The following PYGM variants were observed in gnomAD, a reference collection of about 807,000 sequenced individuals.
PYGM encodes the protein glycogen phosphorylase, muscle form.
A neutral mutation model predicts 99.3 loss-of-function variants in PYGM; 81 were observed. The ratio of observed to expected loss-of-function variants is 0.82; its 90% CI spans 0.68 to 0.98. The LOEUF (loss-of-function observed/expected upper bound fraction) is 0.98. Ranked by LOEUF, PYGM falls within the 50% of genes least tolerant of loss-of-function variation. The probability of loss-of-function intolerance (pLI) is 0.00; values close to 1 mark genes in which losing one functional copy is unlikely to be tolerated. For missense variants in PYGM, 1,030 were observed against 1,158.1 expected (o/e 0.89, Z 1.61); for synonymous variants, 436 against 451.5 (o/e 0.97, Z 0.44).
Position 64,752,487 on chromosome 11 carries a change from G to A in PYGM, c.1536C>T (p.Phe512=), listed in dbSNP as rs1487145634. 3 of 1,614,128 alleles carry A rather than the reference G, an allele frequency of 1.9e-6. No individual in the cohort carries two copies. The highest frequency in any genetic ancestry group is 2.5e-6 in the Non-Finnish European group (3 of 1,179,972). The change falls in exon 13 of 20, where the codon TTC becomes TTT. Residue 512 remains phenylalanine (F), a synonymous_variant. Transcript: ENST00000164139. The part of the protein sequence containing the change: ...EVIAERIGED[F]ISDLDQLRKL... ...TGCGCAGCTGGTCCAGGTCAGAGAT[G>A]AAGTCCTCCCCGATGCGCTATGGGA...
chr11:64,755,320 G>A lies in PYGM; in HGVS notation c.808C>T (p.Arg270Ter), dbSNP rs767739769. The A allele has an allele frequency of 3.3e-5, 53 of 1,614,120 alleles. No individual in the cohort carries two copies. Among genetic ancestry groups the A allele is most frequent in the Middle Eastern group, 1.6e-4 (1 of 6,062 alleles). The part of the protein sequence containing the change: ...VGGYIQAVLD[R>*]NLAENISRVL... ...CGAGAGATGTTCTCCGCCAGGTTTC[G>A]GTCCAACACAGCCTGGATGTAGCCA... Residue 270 changes from arginine to a stop codon, truncating the protein, a stop_gained, in exon 7 of 20, where the codon CGA becomes TGA. Coordinates refer to ENST00000164139, the MANE Select transcript of PYGM (RefSeq NM_005609.4). LOFTEE classifies it high-confidence loss of function. The surrounding 1 kb of genome is among the most constrained non-coding windows in gnomAD (Gnocchi z 4.1).
intron 1 of PYGM, among the ~76,000 whole-genome samples, chr11:64,759,398 G>A (rs1592416643): frequency 1.3e-5 from 2 of 152,140 alleles, no homozygotes; most frequent in Non-Finnish European, 2.9e-5. Flanking sequence ...GCGCCGTCCT[G>A]CCCACCAGCA....
chr11:64,746,953 T>TACATTA lies in PYGM; in HGVS notation c.2346_2347insTAATGT (p.Ile782_Lys783insTer). 1 of 1,614,182 alleles carries TACATTA rather than the reference T, an allele frequency of 6.2e-7. No individual in the cohort carries two copies. Among genetic ancestry groups the TACATTA allele is most frequent in the Non-Finnish European group, 8.5e-7 (1 of 1,180,032 alleles). On this transcript the variant is annotated stop_gained and inframe_insertion, in exon 19 of 20. Transcript: ENST00000164139. LOFTEE classifies it high-confidence loss of function. ...AAGGCGCTGACTTTCTCCTGGCATTTAATGTAGTCTTCATAATCTGCGAAG... is the reference window on the plus strand; with the variant it reads ...AAGGCGCTGACTTTCTCCTGGCATTTACATTAAATGTAGTCTTCATAATCTGCGAAG...
intron 19 of PYGM, 49 bp from the exon 20 acceptor site, chr11:64,746,857 C>T (rs1392763789): frequency 6.2e-7 from 1 of 1,614,126 alleles, no homozygotes; most frequent in Non-Finnish European, 8.5e-7. Context: ...AGGATCTCCA[C>T]CTTCTGCCTC....
At chr11:64,759,981 C>T, upstream of PYGM, 1 of 1,575,694 alleles carries the variant, frequency 6.3e-7, no homozygotes, top group Admixed American at 1.7e-5. Context: ...GAGTGGAGCT[C>T]CCCAGCCTCA....
intron 11 of PYGM, 54 bp from the exon 12 acceptor site, chr11:64,753,241 T>G: frequency 6.6e-7 from 1 of 1,511,540 alleles, no homozygotes; most frequent in Non-Finnish European, 9.2e-7. Context: ...AATGAAGGCC[T>G]CTGCCCTGGG....
intron 5 of PYGM, among the ~76,000 whole-genome samples, chr11:64,756,675 A>C (rs189248474): frequency 4.0e-5 from 6 of 151,482 alleles, no homozygotes; most frequent in African/African-American, 1.5e-4. Context: ...CTAGTCTTGA[A>C]CTCCTGACCT....
chr11:64,759,817 G>A lies in PYGM; in HGVS notation c.82C>T (p.Leu28=), dbSNP rs1592417170. 1.9e-6 allele frequency: 3 copies of A among 1,614,088 alleles called. No individual in the cohort carries two copies. In the South Asian group the frequency reaches 3.3e-5, roughly 18 times the overall value. Residue 28 remains leucine, a synonymous_variant, in exon 1 of 20, where the codon CTG becomes TTG. Transcript: ENST00000164139. ...AGGTGCCGGTTGAAGTTCTTTTTCA[G>A]CTCAGTCACGTTCTCCACGCCGGCC... ...GLAGVENVTE[L]KKNFNRHLHF...
chr11:64,753,850 C>T (rs1473852244), intron 10 of PYGM, 29 bp downstream of exon 10: 10 of 1,554,886 alleles, frequency 6.4e-6, no homozygotes, highest in Non-Finnish European at 6.1e-6. Context: ...CCCTCACCCC[C>T]ACACCATCCC....
rs749699516 is a variant in PYGM, at chr11:64,747,382, G to A, written c.2178-24C>T. 1.2e-5 allele frequency: 19 copies of A among 1,613,910 alleles called. No homozygotes were observed. In the East Asian group the frequency reaches 4.2e-4, roughly 36 times the overall value. On this transcript the variant is annotated intron_variant, in intron 17 of 19. Coordinates refer to ENST00000164139, the MANE Select transcript of PYGM (RefSeq NM_005609.4). ...ACCTGCCAGGACAGAGCTGTGGTCA[G>A]CTCCCCGGAAAGGGGTTCCTGGCTC...
Position 64,759,738 on chromosome 11 carries a change from AAGT to A in PYGM, c.158_160del (p.Tyr53del), listed in dbSNP as rs1325298827. On this transcript the variant is annotated inframe_deletion, in exon 1 of 20. Transcript: ENST00000164139. The stretch of plus-strand genomic sequence containing the variant: ...GTCGCGCACGGTATGGGCCAGAGCA[AAGT>A]AGTAGTCTCGTGGGGTGGCCACATT... The A allele has an allele frequency of 1.2e-6, 2 of 1,614,178 alleles. No individual in the cohort carries two copies. Among genetic ancestry groups the A allele is most frequent in the South Asian group, 1.1e-5 (1 of 91,078 alleles).
intron 17 of PYGM, chr11:64,748,030 G>C (rs2058327062): frequency 6.6e-6 from 1 of 150,818 alleles, no homozygotes; most frequent in Non-Finnish European, 1.5e-5. Context: ...AACAGAGCAA[G>C]ACTCCATCTC....
rs2058378413 is a variant in PYGM at position 64,754,150 on chromosome 11, C to G, written c.1092+103G>C. 6.3e-7 allele frequency: 1 copy of G among 1,581,928 alleles called. No individual in the cohort carries two copies. Among genetic ancestry groups the G allele is most frequent in the African/African-American group, 1.3e-5 (1 of 74,316 alleles). ...CCAGGACGGTCCCTCTGGCCTCAGGCTCTGATCCCTTCACTCCATTCATAT... is the reference window on the plus strand; with the variant it reads ...CCAGGACGGTCCCTCTGGCCTCAGGGTCTGATCCCTTCACTCCATTCATAT... On this transcript the variant is annotated intron_variant, in intron 9 of 19. Coordinates refer to ENST00000164139, the MANE Select transcript of PYGM (RefSeq NM_005609.4). The surrounding 1 kb of genome is among the most constrained non-coding windows in gnomAD (Gnocchi z 5.5).
In PYGM at chr11:64,753,501, C is replaced by A; in HGVS notation, c.1403+18G>T. On this transcript the variant is annotated intron_variant, in intron 11 of 19. Transcript: ENST00000164139. ...GGTGGGGCCTAGAGAGGGGCGGGAT[C>A]TGGAAAGCGGGGCTCACATGGTCTT... 1.3e-6 allele frequency: 2 copies of A among 1,572,368 alleles called. No individual in the cohort carries two copies. Among genetic ancestry groups the A allele is most frequent in the South Asian group, 1.1e-5 (1 of 87,486 alleles).
intron 1 of PYGM, among the ~76,000 whole-genome samples, chr11:64,759,331 C>G (rs2058417462): frequency 6.6e-6 from 1 of 152,154 alleles, no homozygotes; most frequent in African/African-American, 2.4e-5. Context: ...CACAGGCACA[C>G]CGCGCATACA....
rs772194378 is a variant in PYGM, at chr11:64,759,884, CAG to C, written c.13_14del (p.Leu5ValfsTer22). ...TTTGCTTTCTTTTCTCTTGGTCTGA[CAG>C]GGGCCGGGACATGGCTGCAGGAGGG... MSRP[L>X]SDQEKRKQIS... is the part of the protein sequence containing the mutation. On this transcript the variant is annotated frameshift_variant, in exon 1 of 20. Coordinates refer to ENST00000164139, the MANE Select transcript of PYGM (RefSeq NM_005609.4). LOFTEE classifies it high-confidence loss of function. 2.5e-6 allele frequency: 4 copies of C among 1,614,100 alleles called. No homozygotes were observed. The highest frequency in any genetic ancestry group is 2.2e-5 in the East Asian group (1 of 44,880).
intron 4 of PYGM, among the ~76,000 whole-genome samples, 153 bp from the exon 5 acceptor site, chr11:64,758,063 C>G (rs575395557): frequency 3.2e-4 from 49 of 151,254 alleles, no homozygotes; most frequent in African/African-American, 1.1e-3. Context: ...GCTGGGCTAT[C>G]GAGTGGGACA....
chr11:64,750,626 C>G, intron 16 of PYGM, 43 bp from the exon 17 acceptor site: 1 of 1,589,524 alleles, frequency 6.3e-7, no homozygotes, highest in Non-Finnish European at 8.6e-7. Context: ...CAGGGAAGAC[C>G]CTCACACCAG....
chr11:64,752,454 G>C lies in PYGM; in HGVS notation c.1569C>G (p.Leu523=), dbSNP rs114138772. 25,617 of 1,614,210 alleles carry C rather than the reference G, an allele frequency of 0.016. 237 individuals are homozygous for C. Among genetic ancestry groups the C allele is most frequent in the Non-Finnish European group, 0.02 (23,069 of 1,180,006 alleles). Residue 523 remains leucine, a synonymous_variant, in exon 13 of 20, where the codon CTC becomes CTG. Transcript: ENST00000164139. Reference sequence around the variant, plus strand: ...TGAAAGCTTCATCATCCACAAAGGAGAGCAGTTTGCGCAGCTGGTCCAGGT... The same window carrying C: ...TGAAAGCTTCATCATCCACAAAGGACAGCAGTTTGCGCAGCTGGTCCAGGT... ...ISDLDQLRKL[L]SFVDDEAFIR... is the part of the protein sequence containing the mutation.
Sources: allele counts gnomAD v4.1 joint callset (sites outside exome capture counted in the v4.1 genomes callset), GRCh38; gene constraint gnomAD v4.1.1; non-coding constraint Gnocchi (gnomAD v3.1); transcripts MANE v1.5; gene names NCBI Gene and HGNC (gene_info 2026-07-23, HGNC 2026-07-21).